Variants in LAMA3 observed in about 807,000 individuals in gnomAD.
LAMA3 encodes the protein laminin subunit alpha 3.
A neutral mutation model predicts 402.0 loss-of-function variants in LAMA3; 281 were observed. The observed-to-expected ratio is 0.70, with a 90% confidence interval of 0.63 to 0.77. LAMA3 has a LOEUF of 0.77. Ranked by LOEUF, LAMA3 falls within the 30% of genes least tolerant of loss-of-function variation. The pLI is 0.00. For missense variants in LAMA3, 3,840 were observed against 4,215.5 expected, an observed-to-expected ratio of 0.91 and a Z score of 2.47; for synonymous variants, 1,431 against 1,558.4, an observed-to-expected ratio of 0.92 and a Z score of 1.93.
chr18:23,898,517 C>G (rs2080955458), intron 44 of LAMA3: 1 of 577,528 alleles, frequency 1.7e-6, no homozygotes, highest in Admixed American at 3.0e-5. Context: ...GCTCTTATCT[C>G]TTCACATTTG....
At chr18:23,897,241 T>A (rs2080905393) in intron 44 of LAMA3, among the ~76,000 whole-genome samples, 1 of 152,180 alleles carries the variant, frequency 6.6e-6, no homozygotes, top group Non-Finnish European at 1.5e-5. Flanking sequence ...TTGGGGAAAG[T>A]TTAATAAGTA....
At chr18:23,838,004 T>A (rs2063621108) in intron 25 of LAMA3, among the ~76,000 whole-genome samples, 1 of 152,226 alleles carries the variant, frequency 6.6e-6, no homozygotes, top group Non-Finnish European at 1.5e-5. Flanking sequence ...TTAGAAATTA[T>A]AATGGAGCTG....
At chr18:23,921,078 T>G (rs955857083) in intron 61 of LAMA3, 24 bp downstream of exon 61, 8 of 1,613,078 alleles carry the variant, frequency 5.0e-6, no homozygotes, top group Non-Finnish European at 6.8e-6. Context: ...GTCTGTTTAC[T>G]TGAATCGTTA....
At chr18:23,771,656 A>G (rs1460884973) in intron 8 of LAMA3, among the ~76,000 whole-genome samples, 1 of 152,238 alleles carries the variant, frequency 6.6e-6, no homozygotes, top group Non-Finnish European at 1.5e-5. Context: ...AGTGACTGAT[A>G]GCTGCAATTT....
chr18:23,903,230 G>T, intron 49 of LAMA3, 105 bp downstream of exon 49: 2 of 765,636 alleles, frequency 2.6e-6, no homozygotes, highest in Non-Finnish European at 4.7e-6. Flanking sequence ...TCAAAGTATA[G>T]TCTCTTAGAT....
At chr18:23,871,751 CCT>C (rs2064530470) in intron 38 of LAMA3, 90 bp downstream of exon 38, 5 of 986,172 alleles carry the variant, frequency 5.1e-6, no homozygotes, top group South Asian at 1.4e-5. Context: ...GGTTTGGGGC[CCT>C]CTGTCTATTG....
intron 24 of LAMA3, among the ~76,000 whole-genome samples, chr18:23,835,229 C>T (rs2063558620): frequency 6.6e-6 from 1 of 152,220 alleles, no homozygotes; most frequent in South Asian, 2.1e-4. Flanking sequence ...CAGTTCGGCT[C>T]TCCAGCTCCT....
intron 5 of LAMA3, among the ~76,000 whole-genome samples, chr18:23,751,623 C>T (rs1568144951): frequency 6.6e-6 from 1 of 152,172 alleles, no homozygotes; most frequent in Non-Finnish European, 1.5e-5. Flanking sequence ...CTTCTATGGG[C>T]AAGAACTGGT....
intron 1 of LAMA3, 145 bp from the exon 2 acceptor site, chr18:23,713,775 G>A (rs552094135): frequency 4.3e-6 from 3 of 704,574 alleles, no homozygotes; most frequent in South Asian, 3.6e-5. Flanking sequence ...ATACATTCCA[G>A]TGAATTTTAA....
intron 1 of LAMA3, 110 bp from the exon 2 acceptor site, chr18:23,713,810 A>C: frequency 1.1e-6 from 1 of 930,068 alleles, no homozygotes; most frequent in Non-Finnish European, 1.7e-6. Context: ...AAGCTGTATA[A>C]GATAGTCTTT....
chr18:23,953,141 G>T (rs1350189972), intron 74 of LAMA3, 32 bp downstream of exon 74: 3 of 1,612,424 alleles, frequency 1.9e-6, no homozygotes, highest in Middle Eastern at 1.7e-4. Flanking sequence ...ATAATGTGTT[G>T]CCCTGTGTCA....
intron 44 of LAMA3, among the ~76,000 whole-genome samples, chr18:23,896,596 G>C (rs1391166805): frequency 6.6e-6 from 1 of 152,084 alleles, no homozygotes; most frequent in East Asian, 1.9e-4. Flanking sequence ...AGAAGTAATA[G>C]AACCTATTTC....
At chr18:23,821,257 A>G (rs982915007) in intron 19 of LAMA3, among the ~76,000 whole-genome samples, 2 of 152,166 alleles carry the variant, frequency 1.3e-5, no homozygotes, top group Non-Finnish European at 2.9e-5. Context: ...CTCCTAATAG[A>G]TTTTTGCATA....
intron 47 of LAMA3, among the ~76,000 whole-genome samples, chr18:23,900,216 G>T (rs1049755842): frequency 2.0e-5 from 3 of 152,050 alleles, no homozygotes; most frequent in Admixed American, 6.6e-5. Flanking sequence ...GATTACAGGT[G>T]CCTGCCACCA....
At chr18:23,846,263 C>A (rs201293610) in intron 30 of LAMA3, 34 bp from the exon 31 acceptor site, 18 of 1,606,206 alleles carry the variant, frequency 1.1e-5, no homozygotes, top group Non-Finnish European at 1.5e-5. Context: ...CACACCTCCC[C>A]AGGCATCACC....
chr18:23,692,444 G>A (rs140799983), intron 1 of LAMA3, among the ~76,000 whole-genome samples: 1 of 152,082 alleles, frequency 6.6e-6, no homozygotes, highest in East Asian at 1.9e-4. Flanking sequence ...GCTAATTTTT[G>A]TATTTTTAGT....
chr18:23,867,489 CAGTGAGCCAA>C (rs2064388090), intron 36 of LAMA3, among the ~76,000 whole-genome samples: 1 of 140,882 alleles, frequency 7.1e-6, no homozygotes, highest in Non-Finnish European at 1.5e-5. Flanking sequence ...CCAGAGGTTG[CAGTGAGCCAA>C]GGTTGTGCCA....
At position 23,689,947 on chromosome 18, in the gene LAMA3, C is replaced by T. The variant is rs1476481820; in HGVS notation, c.264C>T (p.Pro88=). 4 of 1,521,732 alleles carry T rather than the reference C, an allele frequency of 2.6e-6. No individual in the cohort carries two copies. The highest frequency in any genetic ancestry group is 3.5e-6 in the Non-Finnish European group (4 of 1,134,442). The allele number at this position is 1,521,732 out of a possible 1,614,324, so 94.3% of individuals were successfully genotyped here. ...PELYCKLVGG[P]TAPGSGHTIQ... is the part of the protein sequence containing the mutation. ...TCTACTGCAAGTTGGTCGGGGGCCC[C>T]ACCGCCCCAGGCAGCGGCCACACCA... Residue 88 remains proline (P), a synonymous_variant, in exon 1 of 75, where the codon CCC becomes CCT. Coordinates refer to ENST00000313654, the MANE Select transcript of LAMA3 (RefSeq NM_198129.4).
intron 34 of LAMA3, among the ~76,000 whole-genome samples, chr18:23,860,366 T>C (rs1248121972): frequency 6.7e-6 from 1 of 150,126 alleles, no homozygotes. Context: ...TCAAGCAATC[T>C]TCCTGCCTCA....
Sources: gnomAD v4.1 joint callset for allele counts (sites outside exome capture counted in the v4.1 genomes callset) on GRCh38, gnomAD v4.1.1 for gene constraint, MANE v1.5 for transcripts, NCBI Gene and HGNC (gene_info 2026-07-23, HGNC 2026-07-21) for gene names.